The following RNF11 variants were observed in gnomAD, a reference collection of about 807,000 sequenced individuals.
The protein encoded by RNF11 is ring finger protein 11.
A neutral mutation model predicts 15.8 loss-of-function variants in RNF11; 4 were observed. The ratio of observed to expected loss-of-function variants is 0.25; its 90% CI spans 0.12 to 0.58. The LOEUF (loss-of-function observed/expected upper bound fraction) is 0.58. RNF11 is among the 20% of genes least tolerant of loss of function. The probability of loss-of-function intolerance (pLI) is 0.91; values close to 1 mark genes in which losing one functional copy is unlikely to be tolerated. For synonymous variants in RNF11, 68 were observed against 72.3 expected (o/e 0.94, Z 0.30); for missense variants, 139 against 194.4 (o/e 0.71, Z 1.70).
At chr1:51,250,727 C>G (rs749261944) in intron 1 of RNF11, 1 of 1,333,212 alleles carries the variant, frequency 7.5e-7, no homozygotes, top group South Asian at 1.2e-5. Flanking sequence ...GGTCGGGGGT[C>G]AGGTAGCTGT....
At chr1:51,266,845 G>A (rs1478288446) in intron 1 of RNF11, among the ~76,000 whole-genome samples, 1 of 152,168 alleles carries the variant, frequency 6.6e-6, no homozygotes, top group African/African-American at 2.4e-5. Flanking sequence ...CTTTGATTTA[G>A]GTTATTCAGT....
At chr1:51,245,319 T>A (rs1646846916) in intron 1 of RNF11, among the ~76,000 whole-genome samples, 1 of 152,106 alleles carries the variant, frequency 6.6e-6, no homozygotes, top group African/African-American at 2.4e-5. Flanking sequence ...CACCCAGCTA[T>A]TTTTTGTATT....
At chr1:51,266,743 G>A (rs534330174) in intron 1 of RNF11, among the ~76,000 whole-genome samples, 4 of 152,286 alleles carry the variant, frequency 2.6e-5, no homozygotes, top group East Asian at 3.9e-4. Context: ...GATTACAGGC[G>A]TGAGCCACTG....
At chr1:51,242,129 A>G (rs957261292) in intron 1 of RNF11, among the ~76,000 whole-genome samples, 1 of 152,200 alleles carries the variant, frequency 6.6e-6, no homozygotes, top group African/African-American at 2.4e-5. Flanking sequence ...AAGTTTGTAT[A>G]GCATTGAATG....
Position 51,270,016 on chromosome 1 carries a change from C to T in RNF11, c.184C>T (p.Leu62=). 1 of 1,613,722 alleles carries T rather than the reference C, an allele frequency of 6.2e-7. No homozygotes were observed. The part of the protein sequence containing the change: ...TPSQTRLATQ[L]TEEEQIRIAQ... ...TAGCCAGACTCGGCTAGCAACTCAGCTGACTGAAGAGGAACAAATTAGGAT... is the reference window on the plus strand; with the variant it reads ...TAGCCAGACTCGGCTAGCAACTCAGTTGACTGAAGAGGAACAAATTAGGAT... The change falls in exon 2 of 3, where the codon CTG becomes TTG. Residue 62 remains leucine (L), a synonymous_variant. Coordinates refer to ENST00000242719, the MANE Select transcript of RNF11 (RefSeq NM_014372.5).
At chr1:51,249,437 C>T (rs1646867164) in intron 1 of RNF11, among the ~76,000 whole-genome samples, 1 of 152,122 alleles carries the variant, frequency 6.6e-6, no homozygotes, top group Non-Finnish European at 1.5e-5. Flanking sequence ...CAAAATATAG[C>T]CACAACTATA....
chr1:51,236,996 C>A, intron 1 of RNF11, 117 bp downstream of exon 1: 1 of 1,328,718 alleles, frequency 7.5e-7, no homozygotes. Flanking sequence ...GCGGCATTGA[C>A]CCCTTAGGGC....
rs968499410 is a variant in RNF11 at position 51,272,159 on chromosome 1, A to C, written c.*837A>C. ...AAGTCAAGTTAAATTTTAAATATTA[A>C]GAATTCTGATTTATTGAGATTGAAT... On this transcript the variant is annotated 3_prime_UTR_variant, in exon 3 of 3. Transcript: ENST00000242719. The C allele has an allele frequency of 6.6e-6, 1 of 152,654 alleles. No individual in the cohort carries two copies. The highest frequency in any genetic ancestry group is 1.5e-5 in the Non-Finnish European group (1 of 68,042). The allele number at this position is 152,654 out of a possible 1,614,324, so 9.5% of individuals were successfully genotyped here. A position where few individuals can be genotyped will look rare whatever the true frequency, so the allele number is the denominator to read the frequency against.
intron 1 of RNF11, among the ~76,000 whole-genome samples, chr1:51,244,081 C>CT (rs765970516): frequency 3.3e-4 from 51 of 152,252 alleles, no homozygotes; most frequent in Non-Finnish European, 6.3e-4. Context: ...ATGCACCATT[C>CT]TTAAGACACT....
intron 1 of RNF11, among the ~76,000 whole-genome samples, chr1:51,261,686 G>T (rs1646931248): frequency 6.7e-6 from 1 of 149,410 alleles, no homozygotes; most frequent in Non-Finnish European, 1.5e-5. Flanking sequence ...TCTGTGATAA[G>T]ATTTTTTTTT....
chr1:51,237,458 ATATATG>A (rs1027403217), intron 1 of RNF11, among the ~76,000 whole-genome samples: 2 of 147,442 alleles, frequency 1.4e-5, no homozygotes, highest in African/African-American at 4.9e-5. Context: ...ATATATATAT[ATATATG>A]TATATAAATT....
intron 1 of RNF11, among the ~76,000 whole-genome samples, chr1:51,237,442 G>GTA (rs66523963): frequency 0.19 from 26,733 of 140,172 alleles, 2,408 homozygotes; most frequent in Middle Eastern, 0.23. Context: ...ATATATATGT[G>GTA]TATATATATA....
chr1:51,245,591 AGAGGCAAG>A (rs1452255506), intron 1 of RNF11, among the ~76,000 whole-genome samples: 2 of 152,244 alleles, frequency 1.3e-5, no homozygotes, highest in Non-Finnish European at 2.9e-5. Flanking sequence ...AGCTGGGATT[AGAGGCAAG>A]CACCACCACA....
At chr1:51,269,237 A>C (rs1165945877) in intron 1 of RNF11, among the ~76,000 whole-genome samples, 2 of 152,180 alleles carry the variant, frequency 1.3e-5, no homozygotes, top group Non-Finnish European at 2.9e-5. Context: ...GCCACACTCC[A>C]TCCCAGCTTC....
At chr1:51,268,287 ATTTCC>A (rs1646963831) in intron 1 of RNF11, among the ~76,000 whole-genome samples, 3 of 152,178 alleles carry the variant, frequency 2.0e-5, no homozygotes, top group Admixed American at 2.0e-4. Context: ...GGTCTTAGTC[ATTTCC>A]TTTCCTCTAT....
intron 1 of RNF11, among the ~76,000 whole-genome samples, chr1:51,248,490 C>T (rs1273201509): frequency 1.3e-5 from 2 of 152,082 alleles, no homozygotes; most frequent in African/African-American, 2.4e-5. Flanking sequence ...GCGTCAGCCA[C>T]GGCGCCCGGC....
intron 1 of RNF11, chr1:51,251,374 G>A (rs1569664377): frequency 6.2e-6 from 9 of 1,462,468 alleles, no homozygotes; most frequent in South Asian, 1.2e-5. Context: ...CTGCGACCCC[G>A]GCCCCGGATG....
chr1:51,259,827 T>G (rs1646922253), intron 1 of RNF11, among the ~76,000 whole-genome samples: 2 of 152,214 alleles, frequency 1.3e-5, no homozygotes, highest in African/African-American at 4.8e-5. Flanking sequence ...AAAGAGTTAA[T>G]AAGTTCATGA....
intron 1 of RNF11, among the ~76,000 whole-genome samples, chr1:51,241,978 A>G (rs1646831164): frequency 6.6e-6 from 1 of 152,180 alleles, no homozygotes; most frequent in Non-Finnish European, 1.5e-5. Flanking sequence ...ACCATGTTAC[A>G]TTTTCTAATC....
Sources: gnomAD v4.1 joint callset for allele counts (sites outside exome capture counted in the v4.1 genomes callset) on GRCh38, gnomAD v4.1.1 for gene constraint, MANE v1.5 for transcripts, NCBI Gene and HGNC (gene_info 2026-07-23, HGNC 2026-07-21) for gene names.